Variants in MAPRE2 observed in about 807,000 individuals in gnomAD.
MAPRE2 encodes the protein microtubule-associated protein RP/EB family member 2.
Under a neutral mutation model 43.2 loss-of-function variants are expected in MAPRE2, and 13 were observed. The observed-to-expected ratio is 0.30, with a 90% CI of 0.20 to 0.48. MAPRE2 has a LOEUF of 0.48. Among genes scored for constraint, MAPRE2 ranks in the 20% least tolerant of loss-of-function variants. MAPRE2 has a pLI of 0.99. For synonymous variants in MAPRE2, 135 were observed against 148.8 expected, an observed-to-expected ratio of 0.91 and a Z score of 0.68; for missense variants, 161 against 400.2, an observed-to-expected ratio of 0.40 and a Z score of 5.10.
chr18:35,058,620 C>T (rs904551020), intron 1 of MAPRE2, among the ~76,000 whole-genome samples: 1 of 152,140 alleles, frequency 6.6e-6, no homozygotes, highest in South Asian at 2.1e-4. Flanking sequence ...TATTAACATA[C>T]CTTATATGTT....
intron 2 of MAPRE2, among the ~76,000 whole-genome samples, chr18:35,031,758 G>A (rs2097047952): frequency 6.6e-6 from 1 of 152,164 alleles, no homozygotes; most frequent in Admixed American, 6.5e-5. Flanking sequence ...TCTGCCTTTT[G>A]AGCATAAATA....
intron 1 of MAPRE2, among the ~76,000 whole-genome samples, chr18:34,985,767 T>C (rs1010793073): frequency 5.2e-4 from 70 of 133,844 alleles, no homozygotes; most frequent in African/African-American, 1.9e-3. Flanking sequence ...ATAAAATATA[T>C]TACATATTTG....
chr18:35,000,594 G>A (rs2097028836), intron 1 of MAPRE2, among the ~76,000 whole-genome samples: 1 of 152,060 alleles, frequency 6.6e-6, no homozygotes, highest in Non-Finnish European at 1.5e-5. Flanking sequence ...TAGAGGATGG[G>A]GAAAATGGAC....
intron 2 of MAPRE2, among the ~76,000 whole-genome samples, chr18:35,021,031 G>T (rs2097041614): frequency 6.6e-6 from 1 of 152,142 alleles, no homozygotes; most frequent in South Asian, 2.1e-4. Context: ...GCCTGCCTGT[G>T]TAAAATGGTA....
At chr18:35,095,363 TACACACACACACAC>T (rs34361204) in intron 2 of MAPRE2, among the ~76,000 whole-genome samples, 5 of 136,090 alleles carry the variant, frequency 3.7e-5, no homozygotes, top group South Asian at 2.4e-4. Context: ...TTTAAGAAAA[TACACACACACACAC>T]ACACACACAC....
intron 1 of MAPRE2, among the ~76,000 whole-genome samples, chr18:35,046,434 T>G (rs1390866497): frequency 6.6e-6 from 1 of 152,166 alleles, no homozygotes; most frequent in Non-Finnish European, 1.5e-5. Context: ...TAAAAGACAC[T>G]GAGAGAAACC....
chr18:35,045,958 G>A lies in MAPRE2; in HGVS notation c.122+4297G>A. Among the ~76,000 whole-genome samples the A allele has an allele frequency of 1.3e-5, 2 of 152,154 alleles. 1 individual carries two copies. Among genetic ancestry groups the A allele is most frequent in the Non-Finnish European group, 2.9e-5 (2 of 68,028 alleles). ...TTCTGTTAATGGAATGGTCTTCCGG[G>A]TGCTCTTGCTTTGGGGAGAGGCTCA... On this transcript the variant is annotated intron_variant, in intron 1 of 6. Coordinates refer to ENST00000300249, the MANE Select transcript of MAPRE2 (RefSeq NM_014268.4).
chr18:35,066,422 C>T (rs1379192507), intron 1 of MAPRE2, among the ~76,000 whole-genome samples: 1 of 152,130 alleles, frequency 6.6e-6, no homozygotes, highest in Non-Finnish European at 1.5e-5. Context: ...GTACTTTTAC[C>T]TTTATATTGT....
chr18:35,131,762 GGAACCGCAC>G lies in MAPRE2; in HGVS notation c.751-269_751-261del, dbSNP rs571889085. The stretch of plus-strand genomic sequence containing the variant: ...ACGAAAGCTCACTTCCAGCCTGCGG[GGAACCGCAC>G]AAGCAGAAAGACCACTCTGTCCCTG... On this transcript the variant is annotated intron_variant, in intron 5 of 6. Transcript: ENST00000300249. Among the ~76,000 whole-genome samples, 361 of 152,232 alleles carry G rather than the reference GGAACCGCAC, an allele frequency of 2.4e-3. 3 individuals carry two copies. The highest frequency in any genetic ancestry group is 4.6e-3 in the South Asian group (22 of 4,822).
chr18:35,028,301 T>C (rs984150742), intron 2 of MAPRE2, among the ~76,000 whole-genome samples: 7 of 152,168 alleles, frequency 4.6e-5, no homozygotes, highest in Admixed American at 1.3e-4. Flanking sequence ...TTATACCTGT[T>C]TTATGGGTGA....
intron 4 of MAPRE2, among the ~76,000 whole-genome samples, chr18:35,114,215 C>G (rs1464767491): frequency 6.6e-6 from 1 of 152,186 alleles, no homozygotes. Flanking sequence ...CTTACCTCCT[C>G]CCCACACTAT....
At chr18:35,017,909 A>G (rs1216695169) in intron 2 of MAPRE2, among the ~76,000 whole-genome samples, 2 of 151,856 alleles carry the variant, frequency 1.3e-5, no homozygotes, top group Admixed American at 1.3e-4. Context: ...TCCAGTTCTC[A>G]ATATGAATGC....
chr18:35,006,909 GC>G (rs755626110), intron 2 of MAPRE2, among the ~76,000 whole-genome samples: 4 of 152,220 alleles, frequency 2.6e-5, no homozygotes, highest in Non-Finnish European at 5.9e-5. Context: ...GTTGCAGTGA[GC>G]CAAGATCGTG....
At chr18:35,131,985 T>C (rs1404621281) in intron 5 of MAPRE2, 47 bp from the exon 6 acceptor site, 1 of 1,589,612 alleles carries the variant, frequency 6.3e-7, no homozygotes, top group African/African-American at 1.4e-5. Flanking sequence ...TCATGTCTTA[T>C]ACTATATTTT....
At chr18:34,988,899 G>T (rs529388918) in intron 1 of MAPRE2, 1 of 152,016 alleles carries the variant, frequency 6.6e-6, no homozygotes, top group African/African-American at 2.4e-5. Context: ...GTATAATCTT[G>T]CCTGCACTCT....
intron 4 of MAPRE2, among the ~76,000 whole-genome samples, chr18:35,107,503 A>T (rs549603197): frequency 4.6e-5 from 7 of 152,150 alleles, no homozygotes; most frequent in Non-Finnish European, 7.4e-5. Context: ...TTTGGGAAAT[A>T]AGAATTGCTT....
At chr18:35,009,568 G>T (rs1319098852) in intron 2 of MAPRE2, among the ~76,000 whole-genome samples, 1 of 152,150 alleles carries the variant, frequency 6.6e-6, no homozygotes, top group Non-Finnish European at 1.5e-5. Flanking sequence ...GGGAACATCT[G>T]CTTCTGGAAG....
At chr18:35,133,517 T>G (rs1490904089) in intron 6 of MAPRE2, among the ~76,000 whole-genome samples, 1 of 152,216 alleles carries the variant, frequency 6.6e-6, no homozygotes, top group Non-Finnish European at 1.5e-5. Context: ...GGTTATTCTC[T>G]TCACAAGCTT....
At chr18:35,019,715 T>C (rs2150587001) in intron 2 of MAPRE2, among the ~76,000 whole-genome samples, 1 of 152,158 alleles carries the variant, frequency 6.6e-6, no homozygotes, top group South Asian at 2.1e-4. Flanking sequence ...TGGAGTCTGT[T>C]TCAAAGTTAA....
Sources: allele counts gnomAD v4.1 joint callset (sites outside exome capture counted in the v4.1 genomes callset), GRCh38; gene constraint gnomAD v4.1.1; transcripts MANE v1.5; gene names NCBI Gene and HGNC (gene_info 2026-07-23, HGNC 2026-07-21).